The following SLC25A27 variants were observed in gnomAD, a reference collection of about 807,000 sequenced individuals.
SLC25A27 encodes the protein solute carrier family 25 member 27.
Under a neutral mutation model 49.1 loss-of-function variants are expected in SLC25A27, and 35 were observed. The observed-to-expected ratio is 0.71, with a 90% CI of 0.54 to 0.95. The LOEUF (loss-of-function observed/expected upper bound fraction) is 0.95. Among genes scored for constraint, SLC25A27 ranks in the 40% least tolerant of loss-of-function variants. SLC25A27 has a pLI of 0.00. For synonymous variants in SLC25A27, 144 were observed against 136.9 expected (o/e 1.05, Z -0.36); for missense variants, 339 against 397.1 (o/e 0.85, Z 1.24).
intron 8 of SLC25A27, among the ~76,000 whole-genome samples, chr6:46,671,820 C>G (rs534532460): frequency 6.6e-6 from 1 of 151,868 alleles, no homozygotes; most frequent in Admixed American, 6.6e-5. Context: ...ATTAGATAGA[C>G]TTGTTTAAGT....
intron 4 of SLC25A27, among the ~76,000 whole-genome samples, chr6:46,663,260 G>A (rs1207143826): frequency 6.6e-6 from 1 of 152,152 alleles, no homozygotes; most frequent in East Asian, 1.9e-4. Context: ...TACAAAGGGA[G>A]CTGCTCCTGT....
chr6:46,673,879 G>C (rs1381421301), intron 8 of SLC25A27, among the ~76,000 whole-genome samples: 1 of 152,148 alleles, frequency 6.6e-6, no homozygotes, highest in Non-Finnish European at 1.5e-5. Context: ...TGTAAGAAAG[G>C]AAGTTCTAGC....
Position 46,657,750 on chromosome 6 carries a change from G to A in SLC25A27, c.299-1212G>A, listed in dbSNP as rs577470444. Among the ~76,000 whole-genome samples, 71 of 152,146 alleles carry A rather than the reference G, an allele frequency of 4.7e-4. No individual in the cohort carries two copies. In the South Asian group the frequency reaches 0.013, roughly 28 times the overall value. On this transcript the variant is annotated intron_variant, in intron 2 of 8. Transcript: ENST00000371347. ...TTTATTACAGTGCCAAATCTCATGA[G>A]TCCCTGTCTCATAATCTAAGACCAG...
intron 3 of SLC25A27, among the ~76,000 whole-genome samples, chr6:46,661,623 C>T (rs1231279078): frequency 6.6e-6 from 1 of 152,198 alleles, no homozygotes; most frequent in Non-Finnish European, 1.5e-5. Flanking sequence ...AGACTGTGGG[C>T]TCTGCATGCA....
rs1763639775 is a variant in SLC25A27, at chr6:46,673,613, A to C, written c.900+2385A>C. On this transcript the variant is annotated intron_variant, in intron 8 of 8. Coordinates refer to ENST00000371347, the MANE Select transcript of SLC25A27 (RefSeq NM_004277.5). Reference sequence around the variant, plus strand: ...GCAACATGAGCATAGGCATCATGTCATGTGTAGGCCTGTTATCTTTGAAGA... The same window carrying C: ...GCAACATGAGCATAGGCATCATGTCCTGTGTAGGCCTGTTATCTTTGAAGA... 2.0e-5 allele frequency among the ~76,000 whole-genome samples: 3 copies of C among 152,202 alleles called. No homozygotes were observed. The South Asian group carries it at 6.2e-4, about 32-fold the overall frequency.
chr6:46,655,231 T>C lies in SLC25A27; in HGVS notation c.107-612T>C, dbSNP rs1431376222. On this transcript the variant is annotated intron_variant, in intron 1 of 8. Transcript: ENST00000371347. ...ATAAAAGACAACATTATAAACTCCA[T>C]TACATCTTCTGTATCTCAAACATTA... Among the ~76,000 whole-genome samples the C allele has an allele frequency of 2.0e-5, 3 of 152,314 alleles. No individual in the cohort carries two copies. In the East Asian group the frequency reaches 5.8e-4, roughly 29 times the overall value.
chr6:46,653,411 C>T (rs1321202920), intron 1 of SLC25A27, 113 bp downstream of exon 1: 21 of 1,440,348 alleles, frequency 1.5e-5, no homozygotes, highest in African/African-American at 5.9e-5. Flanking sequence ...TCGCCCCTTC[C>T]ATGCCCGCCT....
chr6:46,676,448 A>G lies in SLC25A27; in HGVS notation c.966A>G (p.Pro322=), dbSNP rs368256526. The change falls in exon 9 of 9, where the codon CCA becomes CCG. Residue 322 remains proline (P), a synonymous_variant. Transcript: ENST00000371347. ...EKIREMSGVS[P]F Reference sequence around the variant, plus strand: ...TCAGAGAGATGAGTGGAGTCAGTCCATTTTAAACCCCTAAAGATGCAACCC... The same window carrying G: ...TCAGAGAGATGAGTGGAGTCAGTCCGTTTTAAACCCCTAAAGATGCAACCC... 9.9e-6 allele frequency: 16 copies of G among 1,613,912 alleles called. No individual in the cohort carries two copies. In the African/African-American group the frequency reaches 1.7e-4, roughly 18 times the overall value.
chr6:46,655,531 GTTTGT>G (rs1562033608), intron 1 of SLC25A27, among the ~76,000 whole-genome samples: 8 of 98,548 alleles, frequency 8.1e-5, no homozygotes, highest in South Asian at 7.5e-4. Context: ...TATTGTTAAT[GTTTGT>G]TTTTTTTTTT....
chr6:46,674,302 A>G (rs924782705), intron 8 of SLC25A27, among the ~76,000 whole-genome samples: 2 of 152,180 alleles, frequency 1.3e-5, no homozygotes, highest in African/African-American at 4.8e-5. Flanking sequence ...TCAGATAAGA[A>G]AATCATGGCT....
chr6:46,671,118 C>A lies in SLC25A27; in HGVS notation c.798-8C>A, dbSNP rs751743427. 19 of 1,562,524 alleles carry A rather than the reference C, an allele frequency of 1.2e-5. No homozygotes were observed. Among genetic ancestry groups the A allele is most frequent in the Admixed American group, 3.8e-5 (2 of 53,026 alleles). On this transcript the variant is annotated splice_region_variant and splice_polypyrimidine_tract_variant and intron_variant, in intron 7 of 8. Transcript: ENST00000371347. ...AAAAAAATTAAAAGGATCTTGTTTC[C>A]TTTTTAGGGGACTTTTGTATAAATC...
Position 46,676,743 on chromosome 6 carries a change from G to A in SLC25A27, c.*289G>A, listed in dbSNP as rs575969276. 1.4e-4 allele frequency: 211 copies of A among 1,502,134 alleles called. 1 individual carries two copies. In the South Asian group the frequency reaches 2.3e-3, roughly 16 times the overall value. 93.1% of individuals were successfully genotyped at this position (1,502,134 alleles called of 1,614,324 possible). A position where few individuals can be genotyped will look rare whatever the true frequency, so the allele number is the denominator to read the frequency against. On this transcript the variant is annotated 3_prime_UTR_variant, in exon 9 of 9. Coordinates refer to ENST00000371347, the MANE Select transcript of SLC25A27 (RefSeq NM_004277.5). ...TGACCACTTTCACCTTGGGCAAGAAGGTTTGGCCTTTGAGTTGCTATTCTA... is the reference window on the plus strand; with the variant it reads ...TGACCACTTTCACCTTGGGCAAGAAAGTTTGGCCTTTGAGTTGCTATTCTA...
intron 2 of SLC25A27, among the ~76,000 whole-genome samples, chr6:46,657,703 A>T (rs577621469): frequency 1.3e-5 from 2 of 152,274 alleles, no homozygotes; most frequent in East Asian, 3.9e-4. Flanking sequence ...AATTTTTCAT[A>T]TTTTTTGAAA....
chr6:46,673,256 G>A lies in SLC25A27; in HGVS notation c.900+2028G>A, dbSNP rs74764993. 6.1e-3 allele frequency among the ~76,000 whole-genome samples: 927 copies of A among 152,256 alleles called. 9 individuals carry two copies. Among genetic ancestry groups the A allele is most frequent in the African/African-American group, 0.021 (874 of 41,550 alleles). ...GCTAATCATTTTCATGACTTAACTCGTTGAATTTCCCCAACAATCTGTGCA... is the reference window on the plus strand; with the variant it reads ...GCTAATCATTTTCATGACTTAACTCATTGAATTTCCCCAACAATCTGTGCA... On this transcript the variant is annotated intron_variant, in intron 8 of 8. Transcript: ENST00000371347.
chr6:46,677,241 G>C lies in SLC25A27; in HGVS notation c.*787G>C, dbSNP rs1000459848. ...TTGTTACATAGTCTGTTACAAGCCA[G>C]ATATGTTGCTAGCTCTCAAGAGTTG... is the stretch of plus-strand genomic sequence containing the variant. On this transcript the variant is annotated 3_prime_UTR_variant, in exon 9 of 9. Coordinates refer to ENST00000371347, the MANE Select transcript of SLC25A27 (RefSeq NM_004277.5). The C allele has an allele frequency of 1.3e-5, 2 of 153,016 alleles. No homozygotes were observed. The highest frequency in any genetic ancestry group is 2.9e-5 in the Non-Finnish European group (2 of 68,632). The allele number at this position is 153,016 out of a possible 1,614,324, so 9.5% of individuals were successfully genotyped here.
chr6:46,670,069 C>T lies in SLC25A27; in HGVS notation c.705-66C>T, dbSNP rs145663310. 5.5e-5 allele frequency: 52 copies of T among 948,712 alleles called. No homozygotes were observed. The African/African-American group carries it at 7.4e-4, about 14-fold the overall frequency. The allele number at this position is 948,712 out of a possible 1,614,324, so 58.8% of individuals were successfully genotyped here. A position where few individuals can be genotyped will look rare whatever the true frequency, so the allele number is the denominator to read the frequency against. The stretch of plus-strand genomic sequence containing the variant: ...AGTATTATATTCTTTCTGAATACCA[C>T]ATTCCCTTTCCTAAGCTACAAACTA... On this transcript the variant is annotated intron_variant, in intron 6 of 8. Transcript: ENST00000371347.
chr6:46,655,928 A>G lies in SLC25A27; in HGVS notation c.192A>G (p.Glu64=), dbSNP rs779397140. 2 of 1,613,888 alleles carry G rather than the reference A, an allele frequency of 1.2e-6. No homozygotes were observed. Among genetic ancestry groups the G allele is most frequent in the African/African-American group, 2.7e-5 (2 of 74,900 alleles). ...CTCGGTTGGGAGACGGTGCAAGAGA[A>G]TCTGCCCCCTATAGGGGAATGGTGC... is the stretch of plus-strand genomic sequence containing the variant. ...ALARLGDGAR[E]SAPYRGMVRT... The change falls in exon 2 of 9, where the codon GAA becomes GAG. Residue 64 remains glutamate (E), a synonymous_variant. Transcript: ENST00000371347.
intron 7 of SLC25A27, among the ~76,000 whole-genome samples, chr6:46,670,746 AT>A (rs1415083885): frequency 6.6e-6 from 1 of 151,716 alleles, no homozygotes; most frequent in Admixed American, 6.6e-5. Flanking sequence ...TTATTTATTT[AT>A]TTTTTTTGAG....
At position 46,671,188 on chromosome 6, in the gene SLC25A27, T is replaced by G; in HGVS notation, c.860T>G (p.Met287Arg). 6.2e-7 allele frequency: 1 copy of G among 1,602,822 alleles called. No homozygotes were observed. The highest frequency in any genetic ancestry group is 1.1e-5 in the South Asian group (1 of 88,646). Residue 287 changes from methionine (M) to arginine (R), a missense_variant, in exon 8 of 9, where the codon ATG (methionine) becomes AGG (arginine). Physicochemically the swap from Met to Arg is moderately conservative, Grantham distance 91. Coordinates refer to ENST00000371347, the MANE Select transcript of SLC25A27 (RefSeq NM_004277.5). ...CAGGCTGTTCAAGGTGAAGGATTCA[T>G]GAGTCTATATAAAGGCTTTTTACCA... ...LIQAVQGEGF[M>R]SLYKGFLPSW...
Sources: allele counts gnomAD v4.1 joint callset (sites outside exome capture counted in the v4.1 genomes callset), GRCh38; gene constraint gnomAD v4.1.1; transcripts MANE v1.5; gene names NCBI Gene and HGNC (gene_info 2026-07-23, HGNC 2026-07-21).